The following ODR4 variants were observed in gnomAD, a reference collection of about 807,000 sequenced individuals.
ODR4 encodes the protein protein odr-4 homolog.
In ODR4, 47 loss-of-function variants were observed where a neutral mutation model predicts 60.2. The ratio of observed to expected loss-of-function variants is 0.78; its 90% CI spans 0.62 to 1.00. ODR4 has a LOEUF of 1.00. Ranked by LOEUF, ODR4 falls within the 50% of genes least tolerant of loss-of-function variation. The probability of loss-of-function intolerance (pLI) is 0.00; values close to 1 mark genes in which losing one functional copy is unlikely to be tolerated. For synonymous variants in ODR4, 178 were observed against 175.5 expected (o/e 1.01, Z -0.11); for missense variants, 488 against 530.8 (o/e 0.92, Z 0.79).
At chr1:186,389,721 C>A (rs1660388684) in intron 6 of ODR4, 97 bp downstream of exon 6, 3 of 803,884 alleles carry the variant, frequency 3.7e-6, no homozygotes, top group Admixed American at 3.0e-5. Flanking sequence ...ATTGCCATCA[C>A]TTCCTATTGA....
chr1:186,382,712 A>G (rs954902787), intron 2 of ODR4, among the ~76,000 whole-genome samples: 11 of 152,232 alleles, frequency 7.2e-5, no homozygotes, highest in Non-Finnish European at 1.5e-4. Flanking sequence ...AGTTAATGTA[A>G]TTCATTCACT....
intron 11 of ODR4, among the ~76,000 whole-genome samples, chr1:186,402,187 ATTCTTTCTTTCTTTCT>A (rs71104857): frequency 2.2e-5 from 3 of 135,528 alleles, no homozygotes; most frequent in African/African-American, 5.7e-5. Context: ...TAGGCATCCT[ATTCTTTCTTTCTTTCT>A]TTCTTTCTTT....
chr1:186,415,099 A>T (rs1035395826), intron 12 of ODR4, among the ~76,000 whole-genome samples: 1 of 149,948 alleles, frequency 6.7e-6, no homozygotes, highest in African/African-American at 2.4e-5. Flanking sequence ...AGAAAAAAAA[A>T]GGGGGGAGGG....
At chr1:186,428,017 C>T in the ODR4 span, among the ~76,000 whole-genome samples, 1 of 152,214 alleles carries the variant, frequency 6.6e-6, no homozygotes, top group African/African-American at 2.4e-5. Context: ...GTAGATTTTG[C>T]ATAATCCTTA....
Position 186,419,142 on chromosome 1 carries a change from T to C in ODR4, c.*66T>C. ...GACAGACAATTATGAATAATAAAGA[T>C]GTTAACAATCCATCTGTATTTAAAA... On this transcript the variant is annotated 3_prime_UTR_variant, in exon 14 of 14. Coordinates refer to ENST00000287859, the MANE Select transcript of ODR4 (RefSeq NM_017847.6). 1 of 1,349,886 alleles carries C rather than the reference T, an allele frequency of 7.4e-7. No individual in the cohort carries two copies. Among genetic ancestry groups the C allele is most frequent in the South Asian group, 1.2e-5 (1 of 80,878 alleles). The allele number at this position is 1,349,886 out of a possible 1,614,324, so 83.6% of individuals were successfully genotyped here.
At chr1:186,416,994 G>A (rs961263894) in intron 12 of ODR4, among the ~76,000 whole-genome samples, 2 of 151,116 alleles carry the variant, frequency 1.3e-5, no homozygotes, top group Admixed American at 6.6e-5. Flanking sequence ...ACAGAGTCTC[G>A]CTCTTTCACC....
chr1:186,391,705 A>C lies in ODR4; in HGVS notation c.625A>C (p.Thr209Pro), dbSNP rs1438603074. Residue 209 changes from threonine to proline, a missense_variant, in exon 8 of 14, where the codon ACA (threonine) becomes CCA (proline). Coordinates refer to ENST00000287859, the MANE Select transcript of ODR4 (RefSeq NM_017847.6). ...TTGTGTTTCTGTTAAGAATGGACTTACACGCTGGGCCAAGGAAATAGAAAA... is the reference window on the plus strand; with the variant it reads ...TTGTGTTTCTGTTAAGAATGGACTTCCACGCTGGGCCAAGGAAATAGAAAA... The part of the protein sequence containing the change: ...TLEKNTKNGL[T>P]RWAKEIENGV... 1.9e-6 allele frequency: 3 copies of C among 1,595,964 alleles called. No individual in the cohort carries two copies. Among genetic ancestry groups the C allele is most frequent in the South Asian group, 1.1e-5 (1 of 88,038 alleles).
intron 4 of ODR4, among the ~76,000 whole-genome samples, chr1:186,386,481 CAA>C (rs1223325252): frequency 3.3e-5 from 5 of 151,824 alleles, no homozygotes; most frequent in Non-Finnish European, 2.9e-5. Context: ...ATTATGCAAA[CAA>C]ATAATTCATT....
At chr1:186,426,095 A>G (rs1661876038), downstream of ODR4, among the ~76,000 whole-genome samples, 1 of 152,188 alleles carries the variant, frequency 6.6e-6, no homozygotes, top group African/African-American at 2.4e-5. Context: ...TGCAAATGAA[A>G]GTGTTGCCTT....
intron 12 of ODR4, among the ~76,000 whole-genome samples, chr1:186,413,352 G>A (rs1334609362): frequency 2.6e-5 from 4 of 151,868 alleles, no homozygotes; most frequent in African/African-American, 9.7e-5. Flanking sequence ...ACTTATTTCT[G>A]TTCTATAGTA....
intron 12 of ODR4, among the ~76,000 whole-genome samples, chr1:186,412,364 C>A (rs1661409529): frequency 6.6e-6 from 1 of 152,044 alleles, no homozygotes; most frequent in African/African-American, 2.4e-5. Flanking sequence ...AAGCTTAGAG[C>A]AGGTGACATT....
At chr1:186,392,496 T>C (rs1261372822) in intron 8 of ODR4, among the ~76,000 whole-genome samples, 1 of 152,150 alleles carries the variant, frequency 6.6e-6, no homozygotes, top group Non-Finnish European at 1.5e-5. Context: ...GGAACATGGA[T>C]GGAGCTGGAG....
chr1:186,396,031 T>A (rs2102048380), intron 9 of ODR4, among the ~76,000 whole-genome samples: 1 of 152,300 alleles, frequency 6.6e-6, no homozygotes, highest in Admixed American at 6.5e-5. Context: ...CTATGTATCA[T>A]GTCTTTGCTC....
intron 12 of ODR4, 43 bp downstream of exon 12, chr1:186,406,311 T>C (rs1165814194): frequency 3.5e-6 from 5 of 1,428,366 alleles, no homozygotes; most frequent in Non-Finnish European, 4.7e-6. Flanking sequence ...AGATTACAGC[T>C]AAGATTTTAC....
Position 186,419,372 on chromosome 1 carries a change from G to T in ODR4, c.*296G>T, listed in dbSNP as rs1412332069. 1.1e-5 allele frequency: 4 copies of T among 362,246 alleles called. No homozygotes were observed. The East Asian group carries it at 1.7e-4, about 16-fold the overall frequency. 22.4% of individuals were successfully genotyped at this position (362,246 alleles called of 1,614,324 possible). On this transcript the variant is annotated 3_prime_UTR_variant, in exon 14 of 14. Coordinates refer to ENST00000287859, the MANE Select transcript of ODR4 (RefSeq NM_017847.6). ...TTCAAAATGATGGGATATGATCATAGATTTTAGTCTTACTAATCTGAATCA... is the reference window on the plus strand; with the variant it reads ...TTCAAAATGATGGGATATGATCATATATTTTAGTCTTACTAATCTGAATCA...
intron 8 of ODR4, 146 bp downstream of exon 8, chr1:186,391,937 T>C (rs1013813825): frequency 8.2e-6 from 5 of 612,092 alleles, no homozygotes; most frequent in Non-Finnish European, 1.4e-5. Flanking sequence ...GGCAAATGTT[T>C]TTCTTAGAAA....
At chr1:186,425,838 G>C (rs886904343), downstream of ODR4, among the ~76,000 whole-genome samples, 1 of 152,082 alleles carries the variant, frequency 6.6e-6, no homozygotes, top group Non-Finnish European at 1.5e-5. Context: ...TTTCTTCCTT[G>C]AGAACCTCTT....
chr1:186,383,187 GTTTTATTTC>G lies in ODR4; in HGVS notation c.234+32_234+40del, dbSNP rs1367385860. On this transcript the variant is annotated intron_variant, in intron 3 of 13. Transcript: ENST00000287859. Reference sequence around the variant, plus strand: ...CTTATTTTTTTGTTTATATGTTTAAGTTTTATTTCAAAAAAGAGCTAGAATCAAGAAGAT... The same window carrying G: ...CTTATTTTTTTGTTTATATGTTTAAGAAAAAAGAGCTAGAATCAAGAAGAT... The G allele has an allele frequency of 3.3e-6, 5 of 1,532,834 alleles. No homozygotes were observed. In the Admixed American group the frequency reaches 8.7e-5, roughly 27 times the overall value. 95.0% of individuals were successfully genotyped at this position (1,532,834 alleles called of 1,614,324 possible). A position where few individuals can be genotyped will look rare whatever the true frequency, so the allele number is the denominator to read the frequency against.
chr1:186,416,772 C>T (rs539395850), intron 12 of ODR4, among the ~76,000 whole-genome samples: 213 of 146,174 alleles, frequency 1.5e-3, no homozygotes, highest in African/African-American at 3.9e-3. Flanking sequence ...AGGAGAATCA[C>T]TTGAACCTGG....
Sources: allele counts gnomAD v4.1 joint callset (sites outside exome capture counted in the v4.1 genomes callset), GRCh38; gene constraint gnomAD v4.1.1; transcripts MANE v1.5; gene names NCBI Gene and HGNC (gene_info 2026-07-23, HGNC 2026-07-21).